Variants in NPHP1 observed in about 807,000 individuals in gnomAD.
The protein encoded by NPHP1 is nephrocystin-1.
In NPHP1, 70 loss-of-function variants were observed where a neutral mutation model predicts 90.4. The ratio of observed to expected loss-of-function variants is 0.77; its 90% CI spans 0.64 to 0.95. NPHP1 has a LOEUF of 0.95. Among genes scored for constraint, NPHP1 ranks in the 40% least tolerant of loss-of-function variants. The pLI, the probability that NPHP1 is intolerant of heterozygous loss-of-function variation, is 0.00. For synonymous variants in NPHP1, 256 were observed against 271.7 expected, an observed-to-expected ratio of 0.94 and a Z score of 0.57; for missense variants, 764 against 795.9, an observed-to-expected ratio of 0.96 and a Z score of 0.48.
Position 110,124,003 on chromosome 2 carries a change from G to A in NPHP1, c.1822C>T (p.Leu608Phe), listed in dbSNP as rs746961491. ...LLVYHDCVLP[L>F]LHSTRLPPFR... is the part of the protein sequence containing the mutation. ...GGGGGTAGGCGTGTGGAGTGGAGAA[G>A]TGGGAGCACGCAGTCATGGTAAACC... Residue 608 changes from leucine to phenylalanine, a missense_variant, in exon 20 of 20, where the codon CTT (leucine) becomes TTT (phenylalanine). Transcript: ENST00000445609. 1.2e-6 allele frequency: 2 copies of A among 1,614,106 alleles called. No individual in the cohort carries two copies. Among genetic ancestry groups the A allele is most frequent in the Non-Finnish European group, 1.7e-6 (2 of 1,179,946 alleles).
intron 5 of NPHP1, among the ~76,000 whole-genome samples, 191 bp downstream of exon 5, chr2:110,169,615 T>C (rs1233970898): frequency 6.6e-6 from 1 of 152,140 alleles, no homozygotes; most frequent in Non-Finnish European, 1.5e-5. Flanking sequence ...CAAAAATCTT[T>C]AGAAGAGGTA....
At chr2:110,177,471 C>T (rs1683581252) in intron 4 of NPHP1, among the ~76,000 whole-genome samples, 1 of 152,076 alleles carries the variant, frequency 6.6e-6, no homozygotes, top group East Asian at 1.9e-4. Flanking sequence ...CGAAATACTC[C>T]TAAATCTGAA....
intron 9 of NPHP1, among the ~76,000 whole-genome samples, chr2:110,161,921 T>G (rs1033140072): frequency 6.6e-6 from 1 of 152,154 alleles, no homozygotes; most frequent in African/African-American, 2.4e-5. Flanking sequence ...AAAGCACCTT[T>G]AAGAAAGACT....
intron 17 of NPHP1, among the ~76,000 whole-genome samples, chr2:110,131,203 A>C (rs2104436065): frequency 6.6e-6 from 1 of 152,306 alleles, no homozygotes; most frequent in South Asian, 2.1e-4. Flanking sequence ...CAAACGTACA[A>C]AAAAGTTGCA....
At chr2:110,169,145 T>C (rs1050533468) in intron 5 of NPHP1, among the ~76,000 whole-genome samples, 1 of 152,076 alleles carries the variant, frequency 6.6e-6, no homozygotes, top group Non-Finnish European at 1.5e-5. Flanking sequence ...ATATACATTA[T>C]TGTCTAATAT....
chr2:110,160,099 G>T (rs1682196803), intron 11 of NPHP1, 28 bp downstream of exon 11: 1 of 1,604,882 alleles, frequency 6.2e-7, no homozygotes, highest in African/African-American at 1.3e-5. Context: ...ATCCTAGTAT[G>T]AATTGATTTA....
intron 2 of NPHP1, among the ~76,000 whole-genome samples, chr2:110,193,211 A>C (rs1458159136): frequency 2.6e-5 from 4 of 152,146 alleles, no homozygotes; most frequent in Admixed American, 6.5e-5. Flanking sequence ...CACAGATTGG[A>C]AAATTGGATA....
chr2:110,181,627 A>G (rs1683912993), intron 2 of NPHP1, among the ~76,000 whole-genome samples: 2 of 152,188 alleles, frequency 1.3e-5, no homozygotes, highest in African/African-American at 4.8e-5. Context: ...CAAAAATCCT[A>G]TTTAAAGGTC....
intron 1 of NPHP1, among the ~76,000 whole-genome samples, chr2:110,202,798 A>G (rs529855443): frequency 2.0e-5 from 3 of 152,308 alleles, no homozygotes; most frequent in Non-Finnish European, 2.9e-5. Flanking sequence ...CTGACAAGAA[A>G]AGAGTACACA....
intron 16 of NPHP1, among the ~76,000 whole-genome samples, chr2:110,132,236 CTT>C (rs1679840209): frequency 6.6e-6 from 1 of 152,192 alleles, no homozygotes. Context: ...TAAGTCCTGA[CTT>C]TGTCACTTCT....
At chr2:110,133,715 T>G (rs567329898) in intron 16 of NPHP1, among the ~76,000 whole-genome samples, 2 of 151,802 alleles carry the variant, frequency 1.3e-5, no homozygotes, top group East Asian at 3.9e-4. Flanking sequence ...AAACTAGAAA[T>G]CAAAAGCAGA....
At chr2:110,161,840 C>T (rs937140128) in intron 9 of NPHP1, 143 bp from the exon 10 acceptor site, 54 of 620,052 alleles carry the variant, frequency 8.7e-5, no homozygotes, top group South Asian at 1.3e-4. Context: ...AAAATAGAAG[C>T]GCCAATATAG....
At chr2:110,148,375 G>A (rs1681223981) in intron 12 of NPHP1, among the ~76,000 whole-genome samples, 1 of 152,090 alleles carries the variant, frequency 6.6e-6, no homozygotes, top group Admixed American at 6.6e-5. Flanking sequence ...AGATGCCTGT[G>A]CCATGCTTCC....
chr2:110,204,963 C>T lies in NPHP1; in HGVS notation c.6G>A (p.Leu2=). The T allele has an allele frequency of 6.2e-7, 1 of 1,614,004 alleles. No individual in the cohort carries two copies. Among genetic ancestry groups the T allele is most frequent in the South Asian group, 1.1e-5 (1 of 91,080 alleles). ...GGAGAGGATCTCGCTGTCGTCTCGC[C>T]AGCATCTCCCTGGCTGCGGTGCTCT... The part of the protein sequence containing the change: M[L]ARRQRDPLQA... The change falls in exon 1 of 20, where the codon CTG becomes CTA. Residue 2 remains leucine, a synonymous_variant. Coordinates refer to ENST00000445609, the MANE Select transcript of NPHP1 (RefSeq NM_001128178.3).
intron 11 of NPHP1, among the ~76,000 whole-genome samples, chr2:110,155,369 TCA>T (rs1407277124): frequency 6.6e-6 from 1 of 152,114 alleles, no homozygotes; most frequent in African/African-American, 2.4e-5. Flanking sequence ...TGGAGCCCCC[TCA>T]CACAGAGTCC....
At chr2:110,139,230 CACG>C (rs1680452563) in intron 16 of NPHP1, among the ~76,000 whole-genome samples, 1 of 151,708 alleles carries the variant, frequency 6.6e-6, no homozygotes, top group Non-Finnish European at 1.5e-5. Context: ...CACACACACA[CACG>C]CAACCTACTT....
intron 19 of NPHP1, chr2:110,124,859 T>C (rs144920285): frequency 1.0e-3 from 205 of 203,298 alleles, no homozygotes; most frequent in Middle Eastern, 5.9e-3. Flanking sequence ...GAAATAAGGA[T>C]ACAATGTATA....
chr2:110,155,573 T>G lies in NPHP1; in HGVS notation c.1083+4554A>C, dbSNP rs1249675158. Among the ~76,000 whole-genome samples the G allele has an allele frequency of 2.0e-5, 3 of 152,202 alleles. No homozygotes were observed. In the East Asian group the frequency reaches 5.8e-4, roughly 29 times the overall value. On this transcript the variant is annotated intron_variant, in intron 11 of 19. Transcript: ENST00000445609. Reference sequence around the variant, plus strand: ...AGGGGCTGAGCTGCCCAAGACCATGTGAACCCACCTCTTACATCAGCGTGA... The same window carrying G: ...AGGGGCTGAGCTGCCCAAGACCATGGGAACCCACCTCTTACATCAGCGTGA...
chr2:110,204,874 G>C (rs1250349044), intron 1 of NPHP1, 26 bp downstream of exon 1: 1 of 1,611,946 alleles, frequency 6.2e-7, no homozygotes, highest in Non-Finnish European at 8.5e-7. Flanking sequence ...GCCCGCCCCA[G>C]GGCCCTCTGC....
Sources: allele counts gnomAD v4.1 joint callset (sites outside exome capture counted in the v4.1 genomes callset), GRCh38; gene constraint gnomAD v4.1.1; transcripts MANE v1.5; gene names NCBI Gene and HGNC (gene_info 2026-07-23, HGNC 2026-07-21).